The following CSNK1G3 variants were observed in gnomAD, a reference collection of about 807,000 sequenced individuals.
CSNK1G3 encodes casein kinase 1 gamma 3, also known as casein kinase I isoform gamma-3.
Under a neutral mutation model 64.3 loss-of-function variants are expected in CSNK1G3, and 23 were observed. The observed-to-expected ratio is 0.36, with a 90% CI of 0.26 to 0.51. The LOEUF (loss-of-function observed/expected upper bound fraction) is 0.51. Among genes scored for constraint, CSNK1G3 ranks in the 20% least tolerant of loss-of-function variants. The probability of loss-of-function intolerance (pLI) is 0.96; values close to 1 mark genes in which losing one functional copy is unlikely to be tolerated. For missense variants in CSNK1G3, 357 were observed against 510.5 expected (o/e 0.70, Z 2.90); for synonymous variants, 158 against 162.2 (o/e 0.97, Z 0.20).
chr5:123,540,735 C>T (rs1321411569), intron 1 of CSNK1G3, among the ~76,000 whole-genome samples: 1 of 152,098 alleles, frequency 6.6e-6, no homozygotes, highest in East Asian at 1.9e-4. Context: ...CAGGTTCAAT[C>T]GATTTTGCTG....
At chr5:123,525,771 A>T (rs1396376399) in intron 1 of CSNK1G3, among the ~76,000 whole-genome samples, 2 of 151,916 alleles carry the variant, frequency 1.3e-5, no homozygotes, top group African/African-American at 4.8e-5. Context: ...AGGCGGGCGG[A>T]TCACGAGGTC....
chr5:123,599,431 T>C (rs111668699), intron 10 of CSNK1G3, among the ~76,000 whole-genome samples: 1,795 of 152,318 alleles, frequency 0.012, 42 homozygotes, highest in African/African-American at 0.04. Context: ...TAATAAGCAG[T>C]CTGATCTTTT....
rs1278325551 is a variant in CSNK1G3 at position 123,520,101 on chromosome 5, C to T, written c.-248+7531C>T. On this transcript the variant is annotated intron_variant, in intron 1 of 12. Coordinates refer to ENST00000345990, the Ensembl canonical transcript of CSNK1G3. ...TGACAACATCACACAGAAAGACAGG[C>T]AGACACACACACATGGAATAATCTT... is the stretch of plus-strand genomic sequence containing the variant. Among the ~76,000 whole-genome samples the T allele has an allele frequency of 3.3e-5, 5 of 152,142 alleles. No homozygotes were observed. The South Asian group carries it at 6.2e-4, about 19-fold the overall frequency.
At chr5:123,590,668 A>G in intron 9 of CSNK1G3, 110 bp downstream of exon 9, 1 of 701,720 alleles carries the variant, frequency 1.4e-6, no homozygotes, top group Non-Finnish European at 2.1e-6. Context: ...TAAAGGATTC[A>G]TTTTATTGTT....
intron 1 of CSNK1G3, among the ~76,000 whole-genome samples, chr5:123,533,798 C>A (rs983240944): frequency 6.6e-6 from 1 of 151,232 alleles, no homozygotes; most frequent in Non-Finnish European, 1.5e-5. Context: ...GATCTGCTTC[C>A]CCCAGAGGTT....
chr5:123,587,787 C>T (rs919732595), intron 6 of CSNK1G3, among the ~76,000 whole-genome samples: 4 of 152,164 alleles, frequency 2.6e-5, no homozygotes, highest in South Asian at 2.1e-4. Context: ...CTCTTTTCCC[C>T]GTGGCCTGTA....
At chr5:123,537,817 C>T (rs1781086997) in intron 1 of CSNK1G3, among the ~76,000 whole-genome samples, 2 of 152,220 alleles carry the variant, frequency 1.3e-5, no homozygotes, top group African/African-American at 4.8e-5. Flanking sequence ...CAGAAAGTTT[C>T]CTCATGACAT....
At chr5:123,584,634 ACT>A (rs1318679670) in intron 6 of CSNK1G3, among the ~76,000 whole-genome samples, 15 of 151,238 alleles carry the variant, frequency 9.9e-5, no homozygotes, top group Non-Finnish European at 1.8e-4. Flanking sequence ...TGAGTTGGGA[ACT>A]CTTCCAATCC....
intron 10 of CSNK1G3, among the ~76,000 whole-genome samples, chr5:123,600,217 T>A (rs908222794): frequency 6.6e-6 from 1 of 152,232 alleles, no homozygotes; most frequent in Non-Finnish European, 1.5e-5. Context: ...ATATAATGTT[T>A]TAGTATTTCT....
Position 123,614,332 on chromosome 5 carries a change from T to C in CSNK1G3, c.1218-10T>C. 6.2e-7 allele frequency: 1 copy of C among 1,611,276 alleles called. No homozygotes were observed. Among genetic ancestry groups the C allele is most frequent in the Non-Finnish European group, 8.5e-7 (1 of 1,179,054 alleles). On this transcript the variant is annotated splice_polypyrimidine_tract_variant and intron_variant, in intron 12 of 12. Coordinates refer to ENST00000345990, the Ensembl canonical transcript of CSNK1G3. Reference sequence around the variant, plus strand: ...TTTTAAAATAAAAAGAGTGTTTCCCTCATCTGCAGGTGCTGCTGTTTTTTC... The same window carrying C: ...TTTTAAAATAAAAAGAGTGTTTCCCCCATCTGCAGGTGCTGCTGTTTTTTC...
rs1331486231 is a variant in CSNK1G3, at chr5:123,515,482, A to G, written c.-248+2912A>G. On this transcript the variant is annotated intron_variant, in intron 1 of 12. Transcript: ENST00000345990. ...AAGTGGTTTTAATGAAGTAATTATA[A>G]AAGAATCTGTACGTGAGGAAAATTG... Among the ~76,000 whole-genome samples the G allele has an allele frequency of 6.6e-5, 10 of 152,242 alleles. No individual in the cohort carries two copies. In the East Asian group the frequency reaches 1.9e-3, roughly 29 times the overall value.
intron 1 of CSNK1G3, among the ~76,000 whole-genome samples, chr5:123,519,768 G>A (rs1777768444): frequency 6.6e-6 from 1 of 152,138 alleles, no homozygotes; most frequent in Non-Finnish European, 1.5e-5. Flanking sequence ...TAGGATTTTA[G>A]ACTTAAAATG....
At position 123,614,339 on chromosome 5, in the gene CSNK1G3, C is replaced by T. The variant is rs780164280; in HGVS notation, c.1218-3C>T. On this transcript the variant is annotated splice_polypyrimidine_tract_variant and splice_region_variant and intron_variant, in intron 12 of 12. Coordinates refer to ENST00000345990, the Ensembl canonical transcript of CSNK1G3. ...ATAAAAAGAGTGTTTCCCTCATCTG[C>T]AGGTGCTGCTGTTTTTTCAAACGAA... The T allele has an allele frequency of 1.7e-5, 27 of 1,612,362 alleles. No individual in the cohort carries two copies. The East Asian group carries it at 5.1e-4, about 31-fold the overall frequency.
At chr5:123,519,743 G>A (rs1777763783) in intron 1 of CSNK1G3, among the ~76,000 whole-genome samples, 1 of 152,146 alleles carries the variant, frequency 6.6e-6, no homozygotes. Flanking sequence ...GGGTTGGGGA[G>A]GAAGGGAAGG....
At chr5:123,520,499 G>A (rs1777914996) in intron 1 of CSNK1G3, among the ~76,000 whole-genome samples, 4 of 149,560 alleles carry the variant, frequency 2.7e-5, no homozygotes, top group Admixed American at 2.6e-4. Flanking sequence ...TTTTGAGGGG[G>A]GTAGAATCTT....
At chr5:123,572,845 A>G (rs1439341993) in intron 4 of CSNK1G3, among the ~76,000 whole-genome samples, 1 of 152,210 alleles carries the variant, frequency 6.6e-6, no homozygotes, top group Non-Finnish European at 1.5e-5. Flanking sequence ...CTTACAGTCA[A>G]CTGATAGGAG....
At chr5:123,550,119 C>T (rs541663213) in intron 2 of CSNK1G3, among the ~76,000 whole-genome samples, 1 of 152,228 alleles carries the variant, frequency 6.6e-6, no homozygotes, top group Non-Finnish European at 1.5e-5. Flanking sequence ...TATTATAAAA[C>T]TTACCTGAAA....
intron 12 of CSNK1G3, among the ~76,000 whole-genome samples, chr5:123,608,754 A>C (rs539874340): frequency 1.3e-5 from 2 of 152,192 alleles, no homozygotes; most frequent in East Asian, 3.9e-4. Flanking sequence ...CTGTATTTTC[A>C]AGGTTTCTGA....
chr5:123,571,595 G>A (rs1447043408), intron 4 of CSNK1G3, among the ~76,000 whole-genome samples: 1 of 152,048 alleles, frequency 6.6e-6, no homozygotes, highest in Middle Eastern at 3.2e-3. Flanking sequence ...ATGAATATTA[G>A]GTTAGACTAA....
Sources: gnomAD v4.1 joint callset for allele counts (sites outside exome capture counted in the v4.1 genomes callset) on GRCh38, gnomAD v4.1.1 for gene constraint, MANE v1.5 for transcripts, NCBI Gene and HGNC (gene_info 2026-07-23, HGNC 2026-07-21) for gene names.